The following TMC7 variants were observed in gnomAD, a reference collection of about 807,000 sequenced individuals.
The protein encoded by TMC7 is transmembrane channel like 7.
TMC7 carries 54 observed loss-of-function variants against 82.9 expected under a neutral mutation model. The ratio of observed to expected loss-of-function variants is 0.65; its 90% CI spans 0.52 to 0.82. The LOEUF (loss-of-function observed/expected upper bound fraction) is 0.82. Among genes scored for constraint, TMC7 ranks in the 40% least tolerant of loss-of-function variants. The probability of loss-of-function intolerance (pLI) is 0.00; values close to 1 mark genes in which losing one functional copy is unlikely to be tolerated. For missense variants in TMC7, 820 were observed against 901.2 expected, an observed-to-expected ratio of 0.91 and a Z score of 1.15; for synonymous variants, 350 against 337.9, an observed-to-expected ratio of 1.04 and a Z score of -0.39.
intron 8 of TMC7, 63 bp downstream of exon 8, chr16:19,038,110 T>TA (rs1960843368): frequency 2.4e-5 from 35 of 1,480,672 alleles, no homozygotes; most frequent in Non-Finnish European, 2.9e-5. Flanking sequence ...GTGAGGTAGA[T>TA]ACCATCGTCA....
At chr16:19,022,544 C>T (rs1199205641) in intron 4 of TMC7, among the ~76,000 whole-genome samples, 2 of 152,160 alleles carry the variant, frequency 1.3e-5, no homozygotes, top group Admixed American at 6.6e-5. Flanking sequence ...GTGCTGTCCA[C>T]GTTTGTAACC....
intron 1 of TMC7, among the ~76,000 whole-genome samples, chr16:18,992,009 G>C (rs1233882349): frequency 1.3e-5 from 2 of 152,134 alleles, no homozygotes; most frequent in African/African-American, 4.8e-5. Context: ...ATAGACATTT[G>C]GGTTGGTTCT....
At position 19,044,928 on chromosome 16, in the gene TMC7, C is replaced by A. The variant is rs1383518181; in HGVS notation, c.1382C>A (p.Thr461Lys). 6.2e-7 allele frequency: 1 copy of A among 1,613,888 alleles called. No homozygotes were observed. Among genetic ancestry groups the A allele is most frequent in the Non-Finnish European group, 8.5e-7 (1 of 1,180,022 alleles). ...RLATICVLVF[T>K]LGSKITSCDD... ...GCCACCATATGTGTCCTGGTGTTCA[C>A]GCTGGGCTCCAAGATCACATCCTGT... Residue 461 changes from threonine to lysine, a missense_variant, in exon 10 of 16, where the codon ACG (threonine) becomes AAG (lysine). Thr to Lys is a moderately conservative substitution (Grantham distance 78). Coordinates refer to ENST00000304381, the MANE Select transcript of TMC7 (RefSeq NM_024847.4).
chr16:18,988,975 G>A (rs4782189), intron 1 of TMC7, among the ~76,000 whole-genome samples: 1 of 151,210 alleles, frequency 6.6e-6, no homozygotes, highest in South Asian at 2.1e-4. Context: ...GCTTGATCCC[G>A]GGAGCAGAGG....
In TMC7 at chr16:19,047,685, G is replaced by A. The variant is rs1300709219; in HGVS notation, c.1740+436G>A. ...GTTGGGATTACAGGCGTGAGCCACC[G>A]TGCCCGGCCGAAAAAGACTCTTGAT... is the stretch of plus-strand genomic sequence containing the variant. On this transcript the variant is annotated intron_variant, in intron 12 of 15. Transcript: ENST00000304381. 5.1e-5 allele frequency among the ~76,000 whole-genome samples: 7 copies of A among 137,942 alleles called. No individual in the cohort carries two copies. In the South Asian group the frequency reaches 7.2e-4, roughly 14 times the overall value. 90.5% of individuals were successfully genotyped at this position (137,942 alleles called of 152,430 possible). A position where few individuals can be genotyped will look rare whatever the true frequency, so the allele number is the denominator to read the frequency against.
At chr16:19,058,929 G>T (rs1227881083) in intron 14 of TMC7, among the ~76,000 whole-genome samples, 3 of 152,108 alleles carry the variant, frequency 2.0e-5, no homozygotes. Context: ...CCAGGCTGGA[G>T]TGCAGTGATG....
rs1248730083 is a variant in TMC7, at chr16:18,986,390, GA to G, written c.67+2279del. On this transcript the variant is annotated intron_variant, in intron 1 of 15. Coordinates refer to ENST00000304381, the MANE Select transcript of TMC7 (RefSeq NM_024847.4). Reference sequence around the variant, plus strand: ...AGCCTGGGTGACAGAGACTCTGTCTGAAAAAAAAAAAAAAAAAAAGATGGGT... The same window carrying G: ...AGCCTGGGTGACAGAGACTCTGTCTGAAAAAAAAAAAAAAAAAAGATGGGT... Among the ~76,000 whole-genome samples, 691 of 73,122 alleles carry G rather than the reference GA, an allele frequency of 9.4e-3. 4 individuals are homozygous for G. The highest frequency in any genetic ancestry group is 0.018 in the African/African-American group (356 of 19,434). The allele number at this position is 73,122 out of a possible 152,430, so 48.0% of individuals were successfully genotyped here.
At chr16:18,996,767 G>A (rs960750667) in intron 1 of TMC7, among the ~76,000 whole-genome samples, 9 of 152,164 alleles carry the variant, frequency 5.9e-5, no homozygotes, top group Non-Finnish European at 1.2e-4. Flanking sequence ...AGGCGTCTCC[G>A]CAATTGACTT....
At chr16:19,043,416 T>C (rs2142277436) in intron 9 of TMC7, among the ~76,000 whole-genome samples, 1 of 148,798 alleles carries the variant, frequency 6.7e-6, no homozygotes. Flanking sequence ...ATATGTAACA[T>C]AGAAGTTGCC....
At chr16:18,984,415 T>C (rs1360905952) in intron 1 of TMC7, 6 of 1,241,324 alleles carry the variant, frequency 4.8e-6, no homozygotes, top group Admixed American at 8.9e-5. Context: ...ACCGAGACAG[T>C]CTTTCAATAG....
intron 9 of TMC7, among the ~76,000 whole-genome samples, chr16:19,042,242 G>A (rs1021638952): frequency 2.7e-5 from 4 of 150,196 alleles, no homozygotes; most frequent in East Asian, 2.0e-4. Context: ...TGGCATGATC[G>A]TAGGTCACTG....
At position 19,061,801 on chromosome 16, in the gene TMC7, A is replaced by G. The variant is rs907102643; in HGVS notation, c.2130A>G (p.Leu710=). Residue 710 remains leucine, a synonymous_variant, in exon 16 of 16, where the codon CTA becomes CTG. Coordinates refer to ENST00000304381, the MANE Select transcript of TMC7 (RefSeq NM_024847.4). ...AGGAAAGTCGTGACAAGTGCTACCT[A>G]ATCCAGAAACTAACAGAAGCCCAAA... ...LSLESRDKCY[L]IQKLTEAQRD... The G allele has an allele frequency of 2.5e-6, 4 of 1,613,932 alleles. No homozygotes were observed. The highest frequency in any genetic ancestry group is 3.4e-6 in the Non-Finnish European group (4 of 1,179,908).
chr16:19,047,828 C>G (rs1353577048), intron 12 of TMC7, among the ~76,000 whole-genome samples: 1 of 151,218 alleles, frequency 6.6e-6, no homozygotes, highest in Non-Finnish European at 1.5e-5. Flanking sequence ...ATTCTCCTGC[C>G]TCAGCATCCT....
chr16:18,998,298 A>G lies in TMC7; in HGVS notation c.68-10874A>G, dbSNP rs1220058962. On this transcript the variant is annotated intron_variant, in intron 1 of 15. Coordinates refer to ENST00000304381, the MANE Select transcript of TMC7 (RefSeq NM_024847.4). ...AACCAAGGCATGGAATGGTCAAGAA[A>G]CTTGCCAGGTTATGCAGGCAGCAAG... Among the ~76,000 whole-genome samples the G allele has an allele frequency of 3.3e-5, 5 of 152,336 alleles. No individual in the cohort carries two copies. In the East Asian group the frequency reaches 9.7e-4, roughly 29 times the overall value.
chr16:19,045,173 G>T (rs1961211976), intron 10 of TMC7, 168 bp from the exon 11 acceptor site: 2 of 825,848 alleles, frequency 2.4e-6, no homozygotes, highest in East Asian at 4.9e-5. Flanking sequence ...CACTTCTGAG[G>T]GCTTGGAAAC....
At chr16:19,048,582 C>T (rs991985379) in intron 12 of TMC7, among the ~76,000 whole-genome samples, 11 of 151,846 alleles carry the variant, frequency 7.2e-5, no homozygotes, top group East Asian at 3.9e-4. Flanking sequence ...CCACCACGCC[C>T]GGTTAATTTT....
At chr16:19,056,145 AG>A (rs1961758836) in intron 13 of TMC7, among the ~76,000 whole-genome samples, 1 of 149,668 alleles carries the variant, frequency 6.7e-6, no homozygotes, top group Non-Finnish European at 1.5e-5. Context: ...GCTGGAGTGC[AG>A]TGGTGCAATC....
In TMC7 at chr16:19,030,389, T is replaced by C; in HGVS notation, c.857+20T>C. On this transcript the variant is annotated intron_variant, in intron 6 of 15. Transcript: ENST00000304381. Reference sequence around the variant, plus strand: ...GAAAAGGTAAAGTCTGCCTTTGCATTCTCTCTGAATTACCCCTGATGGCTG... The same window carrying C: ...GAAAAGGTAAAGTCTGCCTTTGCATCCTCTCTGAATTACCCCTGATGGCTG... 1 of 1,599,866 alleles carries C rather than the reference T, an allele frequency of 6.3e-7. No homozygotes were observed. Among genetic ancestry groups the C allele is most frequent in the Non-Finnish European group, 8.5e-7 (1 of 1,174,098 alleles).
chr16:19,007,255 G>GT (rs1460474669), intron 1 of TMC7, among the ~76,000 whole-genome samples: 3 of 152,232 alleles, frequency 2.0e-5, no homozygotes, highest in African/African-American at 7.2e-5. Flanking sequence ...TTCCTACCAG[G>GT]TAACCCTGGC....
Sources: gnomAD v4.1 joint callset for allele counts (sites outside exome capture counted in the v4.1 genomes callset) on GRCh38, gnomAD v4.1.1 for gene constraint, MANE v1.5 for transcripts, NCBI Gene and HGNC (gene_info 2026-07-23, HGNC 2026-07-21) for gene names.